The following CCZ1 variants were observed in gnomAD, a reference collection of about 807,000 sequenced individuals.
CCZ1 encodes CCZ1 vacuolar protein trafficking and biogenesis associated.
Under a neutral mutation model 57.8 loss-of-function variants are expected in CCZ1, and 19 were observed. The observed-to-expected ratio is 0.33, with a 90% CI of 0.23 to 0.48. The LOEUF (loss-of-function observed/expected upper bound fraction) is 0.48. Among genes scored for constraint, CCZ1 ranks in the 20% least tolerant of loss-of-function variants. CCZ1 has a pLI of 0.99. For synonymous variants in CCZ1, 81 were observed against 167.0 expected (o/e 0.49, Z 3.97); for missense variants, 200 against 492.0 (o/e 0.41, Z 5.61).
rs778180127 is a variant in CCZ1, at chr7:5,919,935, G to A, written c.1075G>A (p.Glu359Lys). The change falls in exon 12 of 15, where the codon GAA (glutamate) becomes AAA (lysine). Residue 359 changes from glutamate to lysine, a missense_variant. Coordinates refer to ENST00000325974, the MANE Select transcript of CCZ1 (RefSeq NM_015622.6). Reference sequence around the variant, plus strand: ...CACAGTGCTGGCCTCTGACATCTGTGAACAGTTTAACATCAACAAGAGGAT... The same window carrying A: ...CACAGTGCTGGCCTCTGACATCTGTAAACAGTTTAACATCAACAAGAGGAT... The part of the protein sequence containing the change: ...QLTVLASDIC[E>K]QFNINKRMSG... 2 of 1,568,882 alleles carry A rather than the reference G, an allele frequency of 1.3e-6. No homozygotes were observed. Among genetic ancestry groups the A allele is most frequent in the South Asian group, 1.1e-5 (1 of 90,600 alleles).
intron 12 of CCZ1, among the ~76,000 whole-genome samples, chr7:5,923,122 TC>T (rs1388481827): frequency 2.7e-5 from 3 of 111,686 alleles, no homozygotes; most frequent in Non-Finnish European, 5.4e-5. Context: ...ATCGAGACCA[TC>T]CTGGCCAACA....
In CCZ1 at chr7:5,908,394, A is replaced by G. The variant is rs75650872; in HGVS notation, c.699-1641A>G. Among the ~76,000 whole-genome samples, 6,554 of 141,834 alleles carry G rather than the reference A, an allele frequency of 0.046. 1,306 individuals are homozygous for G. The East Asian group carries it at 0.63, about 14-fold the overall frequency. 93.0% of individuals were successfully genotyped at this position (141,834 alleles called of 152,430 possible). ...ATATTGCTTTGATTTTTTTTTTTTG[A>G]GACTGAGTCTCATTGGCTTGGTTGC... On this transcript the variant is annotated intron_variant, in intron 7 of 14. Coordinates refer to ENST00000325974, the MANE Select transcript of CCZ1 (RefSeq NM_015622.6).
intron 10 of CCZ1, chr7:5,918,459 T>C: frequency 3.3e-6 from 1 of 303,352 alleles, no homozygotes; most frequent in Non-Finnish European, 6.5e-6. Context: ...GGACAGTTTC[T>C]GCCAATTCTC....
At chr7:5,910,411 G>A (rs542018147) in intron 8 of CCZ1, among the ~76,000 whole-genome samples, 1 of 149,242 alleles carries the variant, frequency 6.7e-6, no homozygotes, top group African/African-American at 2.5e-5. Context: ...CTTTCGCCTG[G>A]GATGGAGAGG....
intron 7 of CCZ1, among the ~76,000 whole-genome samples, chr7:5,907,262 G>A (rs1781853332): frequency 6.7e-6 from 1 of 149,536 alleles, no homozygotes; most frequent in Admixed American, 6.6e-5. Context: ...TTACTAAAGT[G>A]AAATTCTGCT....
intron 10 of CCZ1, among the ~76,000 whole-genome samples, chr7:5,915,379 C>A (rs62453615): frequency 1.1e-4 from 15 of 135,960 alleles, no homozygotes; most frequent in African/African-American, 3.6e-4. Flanking sequence ...AAAAAATCAT[C>A]CTCCTTTGAA....
At chr7:5,905,613 C>G (rs532035411) in intron 7 of CCZ1, among the ~76,000 whole-genome samples, 3 of 144,054 alleles carry the variant, frequency 2.1e-5, no homozygotes, top group Non-Finnish European at 4.5e-5. Context: ...GAAACCCTGT[C>G]TCTACTAAAA....
At position 5,901,094 on chromosome 7, in the gene CCZ1, T is replaced by A. The variant is rs558808133; in HGVS notation, c.390+162T>A. 3.4e-5 allele frequency: 14 copies of A among 408,296 alleles called. No homozygotes were observed. The South Asian group carries it at 3.8e-4, about 11-fold the overall frequency. The allele number at this position is 408,296 out of a possible 1,614,324, so 25.3% of individuals were successfully genotyped here. A position where few individuals can be genotyped will look rare whatever the true frequency, so the allele number is the denominator to read the frequency against. On this transcript the variant is annotated intron_variant, in intron 4 of 14. Coordinates refer to ENST00000325974, the MANE Select transcript of CCZ1 (RefSeq NM_015622.6). ...ATCATTTACATGAGCACAATCTTTT[T>A]AAAATGTATATGCACCCAATCTCAC...
chr7:5,911,946 A>G, intron 9 of CCZ1, 24 bp downstream of exon 9: 1 of 1,545,820 alleles, frequency 6.5e-7, no homozygotes, highest in Non-Finnish European at 8.7e-7. Context: ...TCTTTGATTT[A>G]TGATACTGGG....
chr7:5,905,057 T>C, intron 6 of CCZ1, 37 bp from the exon 7 acceptor site: 1 of 1,581,564 alleles, frequency 6.3e-7, no homozygotes, highest in Non-Finnish European at 8.6e-7. Flanking sequence ...TTCAGTGTAC[T>C]ATTAGTAAAT....
intron 7 of CCZ1, among the ~76,000 whole-genome samples, chr7:5,905,708 G>GGA (rs1303737843): frequency 7.5e-6 from 1 of 134,152 alleles, no homozygotes; most frequent in Non-Finnish European, 1.5e-5. Context: ...CTTGAACCCG[G>GGA]GAGGCGGAGG....
intron 10 of CCZ1, among the ~76,000 whole-genome samples, chr7:5,916,505 GTTTTT>G (rs113216947): frequency 4.6e-5 from 2 of 43,346 alleles, no homozygotes; most frequent in African/African-American, 1.3e-4. Flanking sequence ...TTTGTTTTTT[GTTTTT>G]TTTTTTTTTG....
rs1399868080 is a variant in CCZ1, at chr7:5,898,864, C to T, written c.65C>T (p.Pro22Leu). 6.1e-6 allele frequency: 3 copies of T among 488,334 alleles called. No individual in the cohort carries two copies. Among genetic ancestry groups the T allele is most frequent in the South Asian group, 6.5e-5 (2 of 30,732 alleles). 30.3% of individuals were successfully genotyped at this position (488,334 alleles called of 1,614,324 possible). Residue 22 changes from proline to leucine, a missense_variant, in exon 1 of 15, where the codon CCG becomes CTG. Pro to Leu is a moderately conservative substitution (Grantham distance 98). This residue lies in a region of CCZ1 where 44 missense variants were observed against 122.8 expected (regional missense o/e 0.36). Coordinates refer to ENST00000325974, the MANE Select transcript of CCZ1 (RefSeq NM_015622.6). ...GCGGCCCAGGAGAAGCAGTTCCCGC[C>T]GGCGCTGCTGAGTTTCTTCATCTAC... ...PWAAQEKQFP[P>L]ALLSFFIYNP...
At chr7:5,909,095 A>G (rs1781903825) in intron 7 of CCZ1, among the ~76,000 whole-genome samples, 6 of 123,230 alleles carry the variant, frequency 4.9e-5, no homozygotes. Flanking sequence ...AGCGAGTCCA[A>G]TCCCTTGTGA....
Position 5,907,659 on chromosome 7 carries a change from G to A in CCZ1, c.699-2376G>A, listed in dbSNP as rs578203531. On this transcript the variant is annotated intron_variant, in intron 7 of 14. Transcript: ENST00000325974. ...ACAGGACAATCTGGCGCCCAGCTCTGGGGATCCTGTTGGCATCGTCATCTT... is the reference window on the plus strand; with the variant it reads ...ACAGGACAATCTGGCGCCCAGCTCTAGGGATCCTGTTGGCATCGTCATCTT... Among the ~76,000 whole-genome samples the A allele has an allele frequency of 9.3e-3, 1,358 of 146,024 alleles. 11 individuals carry two copies. The highest frequency in any genetic ancestry group is 0.026 in the South Asian group (111 of 4,258).
At chr7:5,913,186 T>G (rs1779075993) in intron 10 of CCZ1, among the ~76,000 whole-genome samples, 2 of 147,978 alleles carry the variant, frequency 1.4e-5, no homozygotes, top group African/African-American at 5.0e-5. Context: ...TTGTGATTTA[T>G]AAACGTGTGA....
In CCZ1 at chr7:5,903,224, T is replaced by G. The variant is rs563561558; in HGVS notation, c.522+480T>G. On this transcript the variant is annotated intron_variant, in intron 6 of 14. Transcript: ENST00000325974. Reference sequence around the variant, plus strand: ...AGCGATTGGGGAGATTTGTTCCAAGTGCTGTCCTCTTTCGTTGTAATTGAA... The same window carrying G: ...AGCGATTGGGGAGATTTGTTCCAAGGGCTGTCCTCTTTCGTTGTAATTGAA... Among the ~76,000 whole-genome samples the G allele has an allele frequency of 1.1e-4, 16 of 147,462 alleles. 2 individuals carry two copies. Among genetic ancestry groups the G allele is most frequent in the South Asian group, 4.6e-4 (2 of 4,364 alleles).
chr7:5,904,384 C>G (rs1397061236), intron 6 of CCZ1, among the ~76,000 whole-genome samples: 1 of 145,954 alleles, frequency 6.9e-6, no homozygotes, highest in Non-Finnish European at 1.5e-5. Flanking sequence ...CTGTGCCTGG[C>G]CAGGAATTAA....
At chr7:5,905,577 T>A (rs1781791040) in intron 7 of CCZ1, among the ~76,000 whole-genome samples, 1 of 142,556 alleles carries the variant, frequency 7.0e-6, no homozygotes, top group Non-Finnish European at 1.5e-5. Flanking sequence ...AGGTCAGGAG[T>A]TGGAGACCAG....
Sources: gnomAD v4.1 joint callset for allele counts (sites outside exome capture counted in the v4.1 genomes callset) on GRCh38, gnomAD v4.1.1 for gene constraint, gnomAD v4.1.1 regional missense constraint, MANE v1.5 for transcripts, NCBI Gene and HGNC (gene_info 2026-07-23, HGNC 2026-07-21) for gene names.